Variants in NAALADL2 observed in about 807,000 individuals in gnomAD.
NAALADL2 encodes the protein N-acetylated alpha-linked acidic dipeptidase like 2.
In NAALADL2, 76 loss-of-function variants were observed where a neutral mutation model predicts 87.2. That is an observed-to-expected ratio of 0.87 (90% CI 0.72 to 1.05). The LOEUF (loss-of-function observed/expected upper bound fraction) is 1.05. NAALADL2 is among the 50% of genes least tolerant of loss of function. The pLI, the probability that NAALADL2 is intolerant of heterozygous loss-of-function variation, is 0.00. For synonymous variants in NAALADL2, 354 were observed against 331.0 expected, an observed-to-expected ratio of 1.07 and a Z score of -0.75; for missense variants, 1,089 against 945.8, an observed-to-expected ratio of 1.15 and a Z score of -1.99.
At chr3:175,000,848 T>G (rs952846017) in intron 1 of NAALADL2, among the ~76,000 whole-genome samples, 2 of 152,230 alleles carry the variant, frequency 1.3e-5, no homozygotes, top group Non-Finnish European at 2.9e-5. Flanking sequence ...AATATTATTT[T>G]CTTTTTACAT....
At chr3:175,498,826 G>A (rs1269568391) in intron 9 of NAALADL2, among the ~76,000 whole-genome samples, 1 of 152,036 alleles carries the variant, frequency 6.6e-6, no homozygotes, top group East Asian at 1.9e-4. Flanking sequence ...TATTTAGATA[G>A]GGTCTTTAAA....
intron 2 of NAALADL2, among the ~76,000 whole-genome samples, chr3:174,620,807 T>G (rs1260209480): frequency 6.6e-6 from 1 of 152,086 alleles, no homozygotes; most frequent in Non-Finnish European, 1.5e-5. Flanking sequence ...TAAATCTCAT[T>G]TTGATGAACT....
intron 13 of NAALADL2, among the ~76,000 whole-genome samples, chr3:175,777,718 A>G (rs1750440169): frequency 6.6e-6 from 1 of 152,134 alleles, no homozygotes; most frequent in Admixed American, 6.5e-5. Flanking sequence ...TTGGCAAAAC[A>G]TGAGTTGTTG....
chr3:175,292,010 C>A lies in NAALADL2; in HGVS notation c.940-32165C>A, dbSNP rs549124313. 5.3e-4 allele frequency among the ~76,000 whole-genome samples: 80 copies of A among 152,284 alleles called. 1 individual carries two copies. Among genetic ancestry groups the A allele is most frequent in the Non-Finnish European group, 7.2e-4 (49 of 68,020 alleles). Reference sequence around the variant, plus strand: ...GTCTCCAAAATAGTTTATATGTTAGCTTTACAGGTATTTTTAAAAAATAAT... The same window carrying A: ...GTCTCCAAAATAGTTTATATGTTAGATTTACAGGTATTTTTAAAAAATAAT... On this transcript the variant is annotated intron_variant, in intron 4 of 13. Transcript: ENST00000454872.
At position 175,665,887 on chromosome 3, in the gene NAALADL2, C is replaced by T. The variant is rs553205593; in HGVS notation, c.1896+38501C>T. On this transcript the variant is annotated intron_variant, in intron 11 of 13. Coordinates refer to ENST00000454872, the MANE Select transcript of NAALADL2 (RefSeq NM_207015.3). ...CGGACGTTGCAGTGAGCCAAGATCG[C>T]GCCACTGCACTCCAGCCTGGCAACA... Among the ~76,000 whole-genome samples, 36 of 152,138 alleles carry T rather than the reference C, an allele frequency of 2.4e-4. No individual in the cohort carries two copies. In the Middle Eastern group the frequency reaches 0.01, roughly 43 times the overall value.
intron 2 of NAALADL2, among the ~76,000 whole-genome samples, chr3:174,588,831 C>T (rs1169018011): frequency 6.6e-6 from 1 of 152,126 alleles, no homozygotes; most frequent in African/African-American, 2.4e-5. Flanking sequence ...GTCAGGGACC[C>T]ACTTGAGGAG....
chr3:175,499,591 T>A (rs1297201951), intron 9 of NAALADL2, among the ~76,000 whole-genome samples: 2 of 152,032 alleles, frequency 1.3e-5, no homozygotes, highest in Non-Finnish European at 2.9e-5. Flanking sequence ...TTCTAGGGTT[T>A]CAGTATGAAT....
chr3:175,747,796 C>T (rs1746123279), intron 12 of NAALADL2, among the ~76,000 whole-genome samples: 1 of 152,076 alleles, frequency 6.6e-6, no homozygotes, highest in Non-Finnish European at 1.5e-5. Flanking sequence ...CTCATATTTC[C>T]CAAGCAGTCT....
At chr3:174,627,651 T>G (rs1217713103) in intron 2 of NAALADL2, among the ~76,000 whole-genome samples, 2 of 152,220 alleles carry the variant, frequency 1.3e-5, no homozygotes, top group Non-Finnish European at 2.9e-5. Context: ...ATGTTTTTTG[T>G]ACACTCTTCA....
intron 2 of NAALADL2, among the ~76,000 whole-genome samples, chr3:174,704,008 A>C (rs1729825313): frequency 6.6e-6 from 1 of 152,186 alleles, no homozygotes; most frequent in African/African-American, 2.4e-5. Context: ...TTTATCTATC[A>C]GTTCAGAAAG....
At chr3:174,641,276 C>T (rs921332919) in intron 2 of NAALADL2, among the ~76,000 whole-genome samples, 2 of 152,174 alleles carry the variant, frequency 1.3e-5, no homozygotes, top group Non-Finnish European at 2.9e-5. Flanking sequence ...CTGGCTGACA[C>T]CTTGAGTGCA....
intron 1 of NAALADL2, among the ~76,000 whole-genome samples, chr3:174,505,519 C>T (rs930943761): frequency 6.6e-6 from 1 of 152,018 alleles, no homozygotes; most frequent in African/African-American, 2.4e-5. Context: ...TTTCTTAAGA[C>T]CTAGCTGAGA....
At chr3:175,451,828 A>T (rs1471656342) in intron 6 of NAALADL2, among the ~76,000 whole-genome samples, 1 of 152,050 alleles carries the variant, frequency 6.6e-6, no homozygotes, top group African/African-American at 2.4e-5. Context: ...TTACAATTCT[A>T]TATTTTTATG....
At chr3:174,997,881 A>T (rs1195816326) in intron 1 of NAALADL2, among the ~76,000 whole-genome samples, 1 of 151,996 alleles carries the variant, frequency 6.6e-6, no homozygotes, top group African/African-American at 2.4e-5. Flanking sequence ...AGAGGGTGAT[A>T]TAAATAGAAA....
chr3:175,291,046 C>T (rs1001565769), intron 4 of NAALADL2, among the ~76,000 whole-genome samples: 7 of 152,208 alleles, frequency 4.6e-5, no homozygotes, highest in African/African-American at 1.7e-4. Flanking sequence ...TATGTAAAAG[C>T]ATTGTAATTA....
At chr3:175,590,758 G>T (rs1432557953) in intron 10 of NAALADL2, among the ~76,000 whole-genome samples, 2 of 152,106 alleles carry the variant, frequency 1.3e-5, no homozygotes, top group African/African-American at 4.8e-5. Flanking sequence ...CTTCAACAAA[G>T]TCATAGAAGT....
At chr3:174,642,749 CATAT>C (rs71624288) in intron 2 of NAALADL2, among the ~76,000 whole-genome samples, 6,166 of 128,418 alleles carry the variant, frequency 0.048, 192 homozygotes, top group Non-Finnish European at 0.072. Context: ...TGAAAAAAAA[CATAT>C]ATATATATAT....
chr3:175,495,285 G>C (rs1728659943), intron 9 of NAALADL2, among the ~76,000 whole-genome samples: 1 of 151,658 alleles, frequency 6.6e-6, no homozygotes, highest in South Asian at 2.1e-4. Context: ...AGAATTTTTT[G>C]TCATAGGTCT....
chr3:174,771,656 A>G (rs1714577642), intron 3 of NAALADL2, among the ~76,000 whole-genome samples: 1 of 152,224 alleles, frequency 6.6e-6, no homozygotes, highest in African/African-American at 2.4e-5. Context: ...CATTCTACAC[A>G]CAAACTAGAC....
Sources: allele counts gnomAD v4.1 joint callset (sites outside exome capture counted in the v4.1 genomes callset), GRCh38; gene constraint gnomAD v4.1.1; transcripts MANE v1.5; gene names NCBI Gene and HGNC (gene_info 2026-07-23, HGNC 2026-07-21).